JADE2: variants seen among roughly 807,000 people sequenced by gnomAD.
The protein encoded by JADE2 is jade family PHD finger 2, also known as E3 ubiquitin-protein ligase Jade-2.
In JADE2, 13 loss-of-function variants were observed where a neutral mutation model predicts 85.7. The observed-to-expected ratio is 0.15, with a 90% confidence interval of 0.10 to 0.24. The LOEUF (loss-of-function observed/expected upper bound fraction) is 0.24. JADE2 is among the 10% of genes least tolerant of loss of function. JADE2 has a pLI of 1.00. For missense variants in JADE2, 846 were observed against 1,115.9 expected, an observed-to-expected ratio of 0.76 and a Z score of 3.45; for synonymous variants, 440 against 456.1, an observed-to-expected ratio of 0.96 and a Z score of 0.45.
At chr5:134,533,104 TC>T (rs1169857245) in intron 1 of JADE2, among the ~76,000 whole-genome samples, 2 of 151,802 alleles carry the variant, frequency 1.3e-5, no homozygotes, top group African/African-American at 4.8e-5. Context: ...CACCTGTTGG[TC>T]TCTGGGCAGT....
rs1761947587 is a variant in JADE2 at position 134,541,272 on chromosome 5, C to CCAA, written c.153+3190_153+3191insAAC. On this transcript the variant is annotated intron_variant, in intron 3 of 11. Transcript: ENST00000681547. Reference sequence around the variant, plus strand: ...TAGTCCTCTAAGTGACAAGGTTGAGCCGTGGCCGGCATAAATTCCAACTTA... The same window carrying CCAA: ...TAGTCCTCTAAGTGACAAGGTTGAGCCAACGTGGCCGGCATAAATTCCAACTTA... 3.3e-5 allele frequency among the ~76,000 whole-genome samples: 5 copies of CCAA among 152,348 alleles called. 1 individual carries two copies. In the South Asian group the frequency reaches 1.0e-3, roughly 32 times the overall value.
chr5:134,558,124 AT>A (rs1332002385), intron 4 of JADE2, among the ~76,000 whole-genome samples: 1 of 4,104 alleles, frequency 2.4e-4, no homozygotes, highest in Admixed American at 2.6e-3. Context: ...CATTTCTCTG[AT>A]GGCCAGTGAT....
chr5:134,555,083 G>T (rs1440967306), intron 4 of JADE2, among the ~76,000 whole-genome samples: 2 of 152,034 alleles, frequency 1.3e-5, no homozygotes, highest in Admixed American at 6.5e-5. Context: ...AGAGCCCTGT[G>T]CCCCCGTCAT....
intron 4 of JADE2, among the ~76,000 whole-genome samples, chr5:134,554,034 A>T (rs1297010973): frequency 5.9e-5 from 9 of 151,710 alleles, no homozygotes; most frequent in African/African-American, 1.9e-4. Context: ...TTGGCTGTCT[A>T]CTCCTGGCCT....
intron 9 of JADE2, among the ~76,000 whole-genome samples, chr5:134,572,245 C>G (rs1313526399): frequency 6.6e-6 from 1 of 152,202 alleles, no homozygotes; most frequent in Non-Finnish European, 1.5e-5. Flanking sequence ...GGAGCTGAGG[C>G]TCAGAGGTGG....
At position 134,552,089 on chromosome 5, in the gene JADE2, C is replaced by T. The variant is rs1762628155; in HGVS notation, c.191C>T (p.Pro64Leu). The change falls in exon 4 of 12, where the codon CCG (proline) becomes CTG (leucine). Residue 64 changes from proline (P) to leucine (L), a missense_variant. Coordinates refer to ENST00000681547, the MANE Select transcript of JADE2 (RefSeq NM_001388185.1). Reference protein sequence around the residue: ...RTDLITAMKIPDSYQLSPDDY... With the variant: ...RTDLITAMKILDSYQLSPDDY... The stretch of plus-strand genomic sequence containing the variant: ...GACTTGATCACAGCCATGAAGATCC[C>T]GGACTCATACCAGCTCAGCCCGGAT... 1.2e-6 allele frequency: 2 copies of T among 1,614,164 alleles called. No homozygotes were observed. The highest frequency in any genetic ancestry group is 1.7e-5 in the Admixed American group (1 of 60,034).
intron 9 of JADE2, among the ~76,000 whole-genome samples, chr5:134,567,157 G>T (rs957589968): frequency 1.3e-5 from 2 of 152,210 alleles, no homozygotes; most frequent in African/African-American, 2.4e-5. Flanking sequence ...GAGACAGGGT[G>T]GACTCAAGGA....
chr5:134,576,921 C>T (rs1243933227), intron 11 of JADE2, 25 bp downstream of exon 11: 6 of 1,515,264 alleles, frequency 4.0e-6, no homozygotes, highest in Non-Finnish European at 5.3e-6. Context: ...TGCTGGCCTG[C>T]AGACACGGCA....
In JADE2 at chr5:134,535,893, T is replaced by C. The variant is rs1761555544; in HGVS notation, c.36T>C (p.Ser12=). ...AGAGGCGAAAATACTCCATCAGCAG[T>C]GACAACTCTGACACCACTGACAGTA... ...EEKRRKYSIS[S]DNSDTTDSHA... The change falls in exon 2 of 12, where the codon AGT becomes AGC. Residue 12 remains serine, a synonymous_variant. Coordinates refer to ENST00000681547, the MANE Select transcript of JADE2 (RefSeq NM_001388185.1). 1.2e-6 allele frequency: 2 copies of C among 1,613,944 alleles called. No individual in the cohort carries two copies. The highest frequency in any genetic ancestry group is 4.5e-5 in the East Asian group (2 of 44,890).
chr5:134,580,328 T>TCCCGGGG lies in JADE2; in HGVS notation c.*1015_*1021dup, dbSNP rs1480983646. On this transcript the variant is annotated 3_prime_UTR_variant, in exon 12 of 12. Coordinates refer to ENST00000681547, the MANE Select transcript of JADE2 (RefSeq NM_001388185.1). ...CTCCTCCTTCCAACAAGCAGTGGGA[T>TCCCGGGG]CCCGGGGCCCAGGGCGGGCCGGTGT... 1 of 152,526 alleles carries TCCCGGGG rather than the reference T, an allele frequency of 6.6e-6. No homozygotes were observed. The highest frequency in any genetic ancestry group is 2.4e-5 in the African/African-American group (1 of 41,398). The allele number at this position is 152,526 out of a possible 1,614,324, so 9.4% of individuals were successfully genotyped here.
intron 3 of JADE2, among the ~76,000 whole-genome samples, chr5:134,543,356 G>A (rs1762094279): frequency 6.6e-6 from 1 of 151,052 alleles, no homozygotes; most frequent in Non-Finnish European, 1.5e-5. Flanking sequence ...AACAAGACCT[G>A]CTATTGGGAT....
intron 3 of JADE2, among the ~76,000 whole-genome samples, chr5:134,551,272 A>G (rs921185765): frequency 6.6e-6 from 1 of 152,120 alleles, no homozygotes; most frequent in African/African-American, 2.4e-5. Context: ...ACTGTCACTC[A>G]GGCTGGAGTG....
Position 134,576,715 on chromosome 5 carries a change from C to T in JADE2, c.1553-53C>T, listed in dbSNP as rs116626709. The T allele has an allele frequency of 2.1e-3, 3,286 of 1,548,090 alleles. 55 individuals carry two copies. The African/African-American group carries it at 0.037, about 17-fold the overall frequency. ...GCCACGCAGGGATCTTGGTGCTGAC[C>T]GAGGCCACTCAGGGTAACCATCTCC... is the stretch of plus-strand genomic sequence containing the variant. On this transcript the variant is annotated intron_variant, in intron 10 of 11. Coordinates refer to ENST00000681547, the MANE Select transcript of JADE2 (RefSeq NM_001388185.1).
At chr5:134,563,139 A>G (rs1198732225) in intron 7 of JADE2, among the ~76,000 whole-genome samples, 1 of 152,046 alleles carries the variant, frequency 6.6e-6, no homozygotes, top group Non-Finnish European at 1.5e-5. Context: ...CCAACATGGT[A>G]ACCCCGTCTC....
upstream of JADE2, among the ~76,000 whole-genome samples, chr5:134,524,065 C>T (rs554321572): frequency 8.7e-4 from 133 of 152,314 alleles, no homozygotes; most frequent in African/African-American, 3.0e-3. Context: ...ATTGGATAAT[C>T]TGAGGGGCAG....
chr5:134,549,930 G>C (rs1762506397), intron 3 of JADE2, among the ~76,000 whole-genome samples: 1 of 152,170 alleles, frequency 6.6e-6, no homozygotes, highest in Non-Finnish European at 1.5e-5. Context: ...TCCTGTGCTG[G>C]GGCCCACAGG....
intron 1 of JADE2, among the ~76,000 whole-genome samples, chr5:134,527,932 C>G (rs1476723532): frequency 6.6e-6 from 1 of 152,184 alleles, no homozygotes; most frequent in East Asian, 1.9e-4. Flanking sequence ...GTCTAGCACC[C>G]CTGGGTCATC....
rs989199858 is a variant in JADE2, at chr5:134,578,247, C to G, written c.1682-247C>G. Among the ~76,000 whole-genome samples the G allele has an allele frequency of 3.9e-5, 6 of 152,226 alleles. No individual in the cohort carries two copies. The East Asian group carries it at 5.8e-4, about 15-fold the overall frequency. ...GGAGCCTATATTTTCATTTTACACT[C>G]TAGCCCACAAATTATGAAGCCCATC... is the stretch of plus-strand genomic sequence containing the variant. On this transcript the variant is annotated intron_variant, in intron 11 of 11. Transcript: ENST00000681547. This position sits in a 1 kb window ranked among gnomAD's most constrained non-coding sequence, Gnocchi z 4.4.
chr5:134,525,997 G>C lies in JADE2; in HGVS notation c.-15G>C, dbSNP rs1288941836. Reference sequence around the variant, plus strand: ...GCCGAGGGCAGCGCCCGTCAGGGGGGCACCGCGGAGCAAGGTAAGATCCAG... The same window carrying C: ...GCCGAGGGCAGCGCCCGTCAGGGGGCCACCGCGGAGCAAGGTAAGATCCAG... On this transcript the variant is annotated 5_prime_UTR_variant, in exon 1 of 12. Transcript: ENST00000681547. 2.0e-6 allele frequency: 2 copies of C among 985,408 alleles called. No individual in the cohort carries two copies. The highest frequency in any genetic ancestry group is 1.2e-6 in the Non-Finnish European group (1 of 830,082). 61.0% of individuals were successfully genotyped at this position (985,408 alleles called of 1,614,324 possible). A position where few individuals can be genotyped will look rare whatever the true frequency, so the allele number is the denominator to read the frequency against.
Sources: gnomAD v4.1 joint callset for allele counts (sites outside exome capture counted in the v4.1 genomes callset) on GRCh38, gnomAD v4.1.1 for gene constraint, Gnocchi (gnomAD v3.1) non-coding constraint, MANE v1.5 for transcripts, NCBI Gene and HGNC (gene_info 2026-07-23, HGNC 2026-07-21) for gene names.